The following ZMIZ1 variants were observed in gnomAD, a reference collection of about 807,000 sequenced individuals.
ZMIZ1 encodes the protein zinc finger MIZ-type containing 1.
A neutral mutation model predicts 113.9 loss-of-function variants in ZMIZ1; 17 were observed. That is an observed-to-expected ratio of 0.15 (90% CI 0.10 to 0.22). ZMIZ1 has a LOEUF of 0.22. Among genes scored for constraint, ZMIZ1 ranks in the 10% least tolerant of loss-of-function variants. ZMIZ1 has a pLI of 1.00. For synonymous variants in ZMIZ1, 607 were observed against 603.1 expected, an observed-to-expected ratio of 1.01 and a Z score of -0.09; for missense variants, 1,059 against 1,477.8, an observed-to-expected ratio of 0.72 and a Z score of 4.65.
intron 1 of ZMIZ1, among the ~76,000 whole-genome samples, chr10:79,094,493 A>G (rs983846175): frequency 1.3e-5 from 2 of 152,242 alleles, no homozygotes; most frequent in South Asian, 2.1e-4. Flanking sequence ...TTCCTTGGCC[A>G]TGAAATGGGT....
At chr10:79,076,142 T>G (rs1564636273) in intron 1 of ZMIZ1, among the ~76,000 whole-genome samples, 1 of 152,222 alleles carries the variant, frequency 6.6e-6, no homozygotes, top group East Asian at 1.9e-4. Flanking sequence ...TTTCCTTTCC[T>G]AGCCCAGGAA....
At chr10:79,129,895 C>T (rs929125255) in intron 2 of ZMIZ1, among the ~76,000 whole-genome samples, 3 of 152,240 alleles carry the variant, frequency 2.0e-5, no homozygotes, top group African/African-American at 7.2e-5. Context: ...TTGGTGGTGG[C>T]CTGCTGGCCT....
chr10:79,076,140 C>T (rs560403099), intron 1 of ZMIZ1, among the ~76,000 whole-genome samples: 4 of 152,334 alleles, frequency 2.6e-5, no homozygotes, highest in South Asian at 4.1e-4. Context: ...CCTTTCCTTT[C>T]CTAGCCCAGG....
intron 1 of ZMIZ1, among the ~76,000 whole-genome samples, chr10:79,113,615 C>T (rs549462622): frequency 2.6e-5 from 4 of 152,354 alleles, no homozygotes; most frequent in South Asian, 2.1e-4. Context: ...ACAGGCACCA[C>T]GCTATGCTGT....
chr10:79,115,722 G>T (rs1460955552), intron 1 of ZMIZ1, among the ~76,000 whole-genome samples: 1 of 152,232 alleles, frequency 6.6e-6, no homozygotes, highest in Non-Finnish European at 1.5e-5. Flanking sequence ...CTGCAAATGT[G>T]GGGGCGAGAG....
At chr10:79,254,203 C>A (rs1850733813) in intron 7 of ZMIZ1, among the ~76,000 whole-genome samples, 1 of 152,190 alleles carries the variant, frequency 6.6e-6, no homozygotes, top group African/African-American at 2.4e-5. Context: ...CAGCCAGGGG[C>A]GCCCCTGTTC....
intron 1 of ZMIZ1, among the ~76,000 whole-genome samples, chr10:79,075,563 A>C (rs1320115703): frequency 6.7e-6 from 1 of 149,946 alleles, no homozygotes; most frequent in Non-Finnish European, 1.5e-5. Flanking sequence ...ACAGCTGCAC[A>C]CACATGCACA....
intron 9 of ZMIZ1, chr10:79,290,685 G>A: frequency 1.5e-6 from 1 of 653,494 alleles, no homozygotes; most frequent in Non-Finnish European, 2.8e-6. Flanking sequence ...GCAGCCCCTG[G>A]GGACCGCTTG....
chr10:79,156,702 A>T (rs1490644209), intron 3 of ZMIZ1, among the ~76,000 whole-genome samples: 2 of 152,156 alleles, frequency 1.3e-5, no homozygotes, highest in East Asian at 3.8e-4. Flanking sequence ...GGATGATTGA[A>T]CCAAGCGTAC....
intron 2 of ZMIZ1, among the ~76,000 whole-genome samples, chr10:79,136,231 A>G (rs550252442): frequency 6.6e-5 from 10 of 152,310 alleles, no homozygotes; most frequent in South Asian, 2.1e-4. Context: ...ATTGGACAAC[A>G]GGCCATGTGA....
At chr10:79,072,817 G>C (rs1024885107) in intron 1 of ZMIZ1, among the ~76,000 whole-genome samples, 1 of 152,226 alleles carries the variant, frequency 6.6e-6, no homozygotes, top group African/African-American at 2.4e-5. Flanking sequence ...AGGCTGCCAC[G>C]ATTACCCAGG....
Position 79,201,575 on chromosome 10 carries a change from T to C in ZMIZ1, c.-49-9T>C. ...TGATCCAGTGACAACCTCTCCTTTC[T>C]CTTCGCAGGCTGGACAACGTTCATG... is the stretch of plus-strand genomic sequence containing the variant. On this transcript the variant is annotated splice_polypyrimidine_tract_variant and intron_variant, in intron 4 of 24. Transcript: ENST00000334512. The C allele has an allele frequency of 1.9e-6, 3 of 1,600,552 alleles. No individual in the cohort carries two copies. Among genetic ancestry groups the C allele is most frequent in the Middle Eastern group, 1.7e-4 (1 of 6,034 alleles).
intron 4 of ZMIZ1, among the ~76,000 whole-genome samples, chr10:79,189,845 C>T (rs1460857888): frequency 1.3e-5 from 2 of 152,204 alleles, no homozygotes; most frequent in East Asian, 1.9e-4. Flanking sequence ...GGGTGTCCAG[C>T]GTGTGCTTGG....
At chr10:79,252,209 A>G (rs574101370) in intron 7 of ZMIZ1, among the ~76,000 whole-genome samples, 3 of 152,192 alleles carry the variant, frequency 2.0e-5, no homozygotes, top group South Asian at 2.1e-4. Context: ...CACCCAGCCT[A>G]TGTACCCACC....
Position 79,312,757 on chromosome 10 carries a change from C to T in ZMIZ1, c.*8C>T. The T allele has an allele frequency of 6.2e-7, 1 of 1,612,256 alleles. No homozygotes were observed. The highest frequency in any genetic ancestry group is 8.5e-7 in the Non-Finnish European group (1 of 1,178,210). On this transcript the variant is annotated 3_prime_UTR_variant, in exon 25 of 25. Coordinates refer to ENST00000334512, the MANE Select transcript of ZMIZ1 (RefSeq NM_020338.4). Reference sequence around the variant, plus strand: ...CTATTTGAGAACAACTGAGGGCCACCCGGTCGGGGCCATCCCTCCACACTC... The same window carrying T: ...CTATTTGAGAACAACTGAGGGCCACTCGGTCGGGGCCATCCCTCCACACTC...
Position 79,274,322 on chromosome 10 carries a change from C to G in ZMIZ1, c.281-2859C>G, listed in dbSNP as rs532101450. ...ACCAAAGGCACGCAGGTCAAAGAAG[C>G]ATGCAGGCCAGCCCCGCCTAATTAG... On this transcript the variant is annotated intron_variant, in intron 7 of 24. Transcript: ENST00000334512. Among the ~76,000 whole-genome samples the G allele has an allele frequency of 4.6e-5, 7 of 152,356 alleles. 1 individual carries two copies. The South Asian group carries it at 1.2e-3, about 27-fold the overall frequency.
intron 8 of ZMIZ1, among the ~76,000 whole-genome samples, chr10:79,278,878 T>TA (rs1397491536): frequency 6.6e-6 from 1 of 152,196 alleles, no homozygotes; most frequent in African/African-American, 2.4e-5. Flanking sequence ...CTCTTTCTTT[T>TA]CCCCACATTT....
Position 79,302,095 on chromosome 10 carries a change from C to A in ZMIZ1, c.2020-12C>A. ...AGTGCACAGGAACTGAGTGTCTCCTCTCTCCCCGCAGTCCCACCTCTTCGT... is the reference window on the plus strand; with the variant it reads ...AGTGCACAGGAACTGAGTGTCTCCTATCTCCCCGCAGTCCCACCTCTTCGT... On this transcript the variant is annotated splice_polypyrimidine_tract_variant and intron_variant, in intron 17 of 24. Transcript: ENST00000334512. 1 of 1,613,158 alleles carries A rather than the reference C, an allele frequency of 6.2e-7. No individual in the cohort carries two copies. Among genetic ancestry groups the A allele is most frequent in the Non-Finnish European group, 8.5e-7 (1 of 1,179,654 alleles).
intron 5 of ZMIZ1, among the ~76,000 whole-genome samples, chr10:79,205,708 T>G (rs1325125704): frequency 1.3e-5 from 2 of 152,164 alleles, no homozygotes; most frequent in African/African-American, 2.4e-5. Flanking sequence ...ACCATGTCTG[T>G]TCTGCTTATC....
Sources: gnomAD v4.1 joint callset for allele counts (sites outside exome capture counted in the v4.1 genomes callset) on GRCh38, gnomAD v4.1.1 for gene constraint, MANE v1.5 for transcripts, NCBI Gene and HGNC (gene_info 2026-07-23, HGNC 2026-07-21) for gene names.